SNCAIP: variants seen among roughly 807,000 people sequenced by gnomAD.
The protein encoded by SNCAIP is synphilin-1.
A neutral mutation model predicts 86.7 loss-of-function variants in SNCAIP; 43 were observed. The observed-to-expected ratio is 0.50, with a 90% CI of 0.39 to 0.64. The LOEUF is 0.64. Among genes scored for constraint, SNCAIP ranks in the 30% least tolerant of loss-of-function variants. The pLI is 0.00. For synonymous variants in SNCAIP, 417 were observed against 427.2 expected (o/e 0.98, Z 0.29); for missense variants, 981 against 1,103.1 (o/e 0.89, Z 1.57).
chr5:122,407,233 G>A (rs533842235), intron 3 of SNCAIP, among the ~76,000 whole-genome samples: 1 of 152,236 alleles, frequency 6.6e-6, no homozygotes, highest in African/African-American at 2.4e-5. Context: ...GGAGGTCTTA[G>A]GGCATCAGGG....
intron 1 of SNCAIP, among the ~76,000 whole-genome samples, chr5:122,361,224 C>T (rs776914022): frequency 4.7e-5 from 7 of 149,030 alleles, no homozygotes. Flanking sequence ...TACCCAAAGA[C>T]CTGTCTTTAT....
At position 122,338,731 on chromosome 5, in the gene SNCAIP, G is replaced by T. The variant is rs1756985091; in HGVS notation, c.-47+26447G>T. Among the ~76,000 whole-genome samples the T allele has an allele frequency of 2.0e-5, 3 of 152,110 alleles. No individual in the cohort carries two copies. The South Asian group carries it at 6.2e-4, about 32-fold the overall frequency. On this transcript the variant is annotated intron_variant, in intron 1 of 10. Transcript: ENST00000261368. ...TGTACAGTGATTATTAAACTTTCAA[G>T]TTTCATTGTTTTGGAAGAAGTTTTG...
At chr5:122,369,207 C>G (rs972472628) in intron 1 of SNCAIP, among the ~76,000 whole-genome samples, 3 of 152,180 alleles carry the variant, frequency 2.0e-5, no homozygotes, top group African/African-American at 7.2e-5. Flanking sequence ...GGAGCAAATG[C>G]CCTTCTCTCA....
intron 1 of SNCAIP, among the ~76,000 whole-genome samples, chr5:122,322,059 A>C (rs2152672764): frequency 6.6e-6 from 1 of 152,362 alleles, no homozygotes; most frequent in South Asian, 2.1e-4. Context: ...CAACTGACAT[A>C]TATAGAACAT....
Position 122,423,255 on chromosome 5 carries a change from C to T in SNCAIP, c.518C>T (p.Ser173Leu), listed in dbSNP as rs758729462. 1 of 1,614,042 alleles carries T rather than the reference C, an allele frequency of 6.2e-7. No individual in the cohort carries two copies. Among genetic ancestry groups the T allele is most frequent in the Admixed American group, 1.7e-5 (1 of 60,010 alleles). ...QQLASFTKVTSEKRILGLCTT... is the reference protein window; with the variant it reads ...QQLASFTKVTLEKRILGLCTT... ...CTTGCCTCTTTTACCAAGGTGACTT[C>T]AGAAAAAAGAATTTTGGGCTTATGC... Residue 173 changes from serine to leucine, a missense_variant, in exon 4 of 11, where the codon TCA becomes TTA. Transcript: ENST00000261368.
At chr5:122,345,181 G>T (rs1018346248) in intron 1 of SNCAIP, among the ~76,000 whole-genome samples, 6 of 152,074 alleles carry the variant, frequency 3.9e-5, no homozygotes, top group African/African-American at 1.4e-4. Context: ...CAACAAAAGG[G>T]CTATGACAAC....
intron 3 of SNCAIP, among the ~76,000 whole-genome samples, chr5:122,416,238 C>T (rs1775286245): frequency 1.3e-5 from 2 of 152,144 alleles, no homozygotes; most frequent in Non-Finnish European, 2.9e-5. Context: ...AAACATGAAT[C>T]GGACACATTC....
intron 2 of SNCAIP, among the ~76,000 whole-genome samples, chr5:122,399,381 C>T (rs751036409): frequency 1.3e-5 from 2 of 152,120 alleles, no homozygotes; most frequent in Non-Finnish European, 2.9e-5. Context: ...TTAATAAGTG[C>T]CAGAACCAGG....
chr5:122,438,197 T>C (rs192018217), intron 6 of SNCAIP, among the ~76,000 whole-genome samples: 1 of 152,300 alleles, frequency 6.6e-6, no homozygotes, highest in Non-Finnish European at 1.5e-5. Flanking sequence ...ATAATGTTGA[T>C]GAGAAGAAAA....
chr5:122,330,509 TG>T (rs1368131166), intron 1 of SNCAIP, among the ~76,000 whole-genome samples: 2 of 152,204 alleles, frequency 1.3e-5, no homozygotes, highest in African/African-American at 4.8e-5. Flanking sequence ...CTTGTAGATG[TG>T]TTATAACAGA....
intron 10 of SNCAIP, among the ~76,000 whole-genome samples, chr5:122,458,501 T>C (rs1677452040): frequency 6.6e-6 from 1 of 152,192 alleles, no homozygotes. Context: ...CCTGCCTGTA[T>C]CTCTTAAGGC....
At chr5:122,458,136 G>A (rs1785228528) in intron 10 of SNCAIP, among the ~76,000 whole-genome samples, 1 of 152,294 alleles carries the variant, frequency 6.6e-6, no homozygotes, top group African/African-American at 2.4e-5. Context: ...ACATAAAAAA[G>A]GCAGGGAAGA....
At chr5:122,441,877 C>G (rs1781015515) in intron 7 of SNCAIP, among the ~76,000 whole-genome samples, 1 of 152,084 alleles carries the variant, frequency 6.6e-6, no homozygotes, top group South Asian at 2.1e-4. Context: ...TATTTACAGA[C>G]ATAAATCATT....
At chr5:122,337,330 T>C (rs1356257998) in intron 1 of SNCAIP, among the ~76,000 whole-genome samples, 2 of 152,206 alleles carry the variant, frequency 1.3e-5, no homozygotes, top group Non-Finnish European at 2.9e-5. Context: ...AGAATGTGAC[T>C]TAAACAAATT....
intron 8 of SNCAIP, among the ~76,000 whole-genome samples, chr5:122,449,320 A>G (rs1783208472): frequency 6.6e-6 from 1 of 152,202 alleles, no homozygotes; most frequent in Non-Finnish European, 1.5e-5. Context: ...TACAGTTTCT[A>G]CTGAATCCAT....
intron 10 of SNCAIP, among the ~76,000 whole-genome samples, chr5:122,457,726 A>G (rs1785116949): frequency 1.3e-5 from 2 of 151,892 alleles, no homozygotes; most frequent in Non-Finnish European, 2.9e-5. Flanking sequence ...CAGAAAGAAA[A>G]CCCTCATTTT....
At chr5:122,325,615 G>T (rs954399550) in intron 1 of SNCAIP, among the ~76,000 whole-genome samples, 1 of 152,028 alleles carries the variant, frequency 6.6e-6, no homozygotes, top group Non-Finnish European at 1.5e-5. Flanking sequence ...ATTTTCTTTG[G>T]GGAACCTGAC....
Position 122,326,606 on chromosome 5 carries a change from CTTTTTTTTTTT to C in SNCAIP, c.-47+14345_-47+14355del, listed in dbSNP as rs11297385. On this transcript the variant is annotated intron_variant, in intron 1 of 10. Coordinates refer to ENST00000261368, the MANE Select transcript of SNCAIP (RefSeq NM_005460.4). ...AGAAAGGGAACTTCAGAAATGTCTC[CTTTTTTTTTTT>C]TTTTTTTTTTTTTTTTTTTTTTACA... 2.4e-3 allele frequency among the ~76,000 whole-genome samples: 103 copies of C among 42,128 alleles called. 1 individual carries two copies. The highest frequency in any genetic ancestry group is 7.0e-3 in the South Asian group (6 of 858). The allele number at this position is 42,128 out of a possible 152,430, so 27.6% of individuals were successfully genotyped here. A position where few individuals can be genotyped will look rare whatever the true frequency, so the allele number is the denominator to read the frequency against.
At chr5:122,318,366 A>G (rs1028841378) in intron 1 of SNCAIP, among the ~76,000 whole-genome samples, 1 of 152,128 alleles carries the variant, frequency 6.6e-6, no homozygotes, top group Non-Finnish European at 1.5e-5. Flanking sequence ...CTCTCCCCAC[A>G]TCACACTTTA....
Sources: gnomAD v4.1 joint callset for allele counts (sites outside exome capture counted in the v4.1 genomes callset) on GRCh38, gnomAD v4.1.1 for gene constraint, MANE v1.5 for transcripts, NCBI Gene and HGNC (gene_info 2026-07-23, HGNC 2026-07-21) for gene names.